ELP1: variants seen among roughly 807,000 people sequenced by gnomAD.
The protein encoded by ELP1 is elongator complex protein 1.
Under a neutral mutation model 183.2 loss-of-function variants are expected in ELP1, and 131 were observed. The observed-to-expected ratio is 0.72, with a 90% confidence interval of 0.62 to 0.83. The LOEUF is 0.83. Among genes scored for constraint, ELP1 ranks in the 40% least tolerant of loss-of-function variants. ELP1 has a pLI of 0.00. For synonymous variants in ELP1, 555 were observed against 569.0 expected (o/e 0.98, Z 0.35); for missense variants, 1,550 against 1,594.9 (o/e 0.97, Z 0.48).
At chr9:108,883,951 C>A (rs1410042913) in intron 29 of ELP1, among the ~76,000 whole-genome samples, 1 of 151,170 alleles carries the variant, frequency 6.6e-6, no homozygotes, top group Non-Finnish European at 1.5e-5. Context: ...ACATTCAATG[C>A]AAATGTCTAA....
In ELP1 at chr9:108,878,820, C is replaced by T. The variant is rs1827802938; in HGVS notation, c.3573-70G>A. The T allele has an allele frequency of 3.8e-6, 6 of 1,571,804 alleles. No individual in the cohort carries two copies. The South Asian group carries it at 6.7e-5, about 17-fold the overall frequency. ...GGACTACAGGCATGTGCTACCTTGC[C>T]TGGCTACTTTCTTGCAGTTGCTGAT... On this transcript the variant is annotated intron_variant, in intron 33 of 36. Coordinates refer to ENST00000374647, the MANE Select transcript of ELP1 (RefSeq NM_003640.5).
At position 108,922,831 on chromosome 9, in the gene ELP1, A is replaced by G; in HGVS notation, c.552+11T>C. 6.2e-7 allele frequency: 1 copy of G among 1,609,252 alleles called. No individual in the cohort carries two copies. Among genetic ancestry groups the G allele is most frequent in the Non-Finnish European group, 8.5e-7 (1 of 1,175,644 alleles). ...CCAGTCAAGGCTTTTTATCCATCAA[A>G]CCAAACTTACCATTTGCATCTGAAA... On this transcript the variant is annotated intron_variant, in intron 6 of 36. Coordinates refer to ENST00000374647, the MANE Select transcript of ELP1 (RefSeq NM_003640.5).
intron 13 of ELP1, among the ~76,000 whole-genome samples, chr9:108,907,275 C>T (rs548709097): frequency 2.8e-4 from 42 of 152,292 alleles, no homozygotes; most frequent in South Asian, 8.3e-4. Context: ...AAATCTCAGA[C>T]GAATTGGCAT....
intron 34 of ELP1, 40 bp from the exon 35 acceptor site, chr9:108,878,189 C>G (rs774564951): frequency 1.2e-4 from 183 of 1,554,094 alleles, no homozygotes; most frequent in Middle Eastern, 8.4e-4. Flanking sequence ...AGTTATATTC[C>G]CAGCTCCATT....
intron 5 of ELP1, among the ~76,000 whole-genome samples, chr9:108,925,401 C>T (rs953755927): frequency 2.0e-5 from 3 of 152,178 alleles, no homozygotes; most frequent in African/African-American, 7.2e-5. Flanking sequence ...TGAAATAACC[C>T]TCCCTTGAAA....
chr9:108,907,407 T>G (rs999984451), intron 13 of ELP1, among the ~76,000 whole-genome samples: 1 of 152,250 alleles, frequency 6.6e-6, no homozygotes, highest in Non-Finnish European at 1.5e-5. Context: ...ATGTAAATGC[T>G]CTTTAAAAAC....
intron 17 of ELP1, 24 bp downstream of exon 17, chr9:108,901,604 C>T (rs375784499): frequency 6.2e-7 from 1 of 1,613,588 alleles, no homozygotes; most frequent in Non-Finnish European, 8.5e-7. Context: ...GAAAAGGATC[C>T]AACACCAAAC....
At position 108,900,287 on chromosome 9, in the gene ELP1, C is replaced by T. The variant is rs1476262942; in HGVS notation, c.2103G>A (p.Val701=). 1 of 1,613,856 alleles carries T rather than the reference C, an allele frequency of 6.2e-7. No individual in the cohort carries two copies. Among genetic ancestry groups the T allele is most frequent in the African/African-American group, 1.3e-5 (1 of 74,914 alleles). The change falls in exon 19 of 37, where the codon GTG becomes GTA. Residue 701 remains valine (V), a synonymous_variant. Transcript: ENST00000374647. ...VERGSRIVTV[V]PQDTKLVLQM... Reference sequence around the variant, plus strand: ...GTAATACAAGCTTTGTGTCCTGGGGCACAACAGTGACAATCCGTGAACCCC... The same window carrying T: ...GTAATACAAGCTTTGTGTCCTGGGGTACAACAGTGACAATCCGTGAACCCC...
At chr9:108,903,692 A>AGT in intron 14 of ELP1, 23 bp from the exon 15 acceptor site, 1 of 1,536,558 alleles carries the variant, frequency 6.5e-7, no homozygotes, top group South Asian at 1.1e-5. Flanking sequence ...AGGAGAAGGG[A>AGT]GTGTAAACAG....
At chr9:108,886,799 AATGAGCATGGCTATGCT>A (rs1828139734) in intron 29 of ELP1, among the ~76,000 whole-genome samples, 2 of 152,236 alleles carry the variant, frequency 1.3e-5, no homozygotes, top group South Asian at 4.2e-4. Context: ...GATGTAAACT[AATGAGCATGGCTATGCT>A]CCAATAAAGC....
rs139439218 is a variant in ELP1 at position 108,920,470 on chromosome 9, T to C, written c.553-1121A>G. 5.9e-4 allele frequency among the ~76,000 whole-genome samples: 90 copies of C among 152,146 alleles called. 1 individual carries two copies. The highest frequency in any genetic ancestry group is 2.0e-3 in the African/African-American group (81 of 41,498). On this transcript the variant is annotated intron_variant, in intron 6 of 36. Coordinates refer to ENST00000374647, the MANE Select transcript of ELP1 (RefSeq NM_003640.5). The stretch of plus-strand genomic sequence containing the variant: ...CTAATTTTTGTATTTTTAGTAGAGA[T>C]AGGATTTCACCATGTTGGACATGCT...
At position 108,919,345 on chromosome 9, in the gene ELP1, TC is replaced by T; in HGVS notation, c.556del (p.Glu186SerfsTer24). ...RQAAFQMQMH[E>X]SALPWDDHRP... Reference sequence around the variant, plus strand: ...ATGGTCATCCCAGGGCAAAGCAGACTCATGCTAAAAAGGGGAACAAACACCA... The same window carrying T: ...ATGGTCATCCCAGGGCAAAGCAGACTATGCTAAAAAGGGGAACAAACACCA... On this transcript the variant is annotated frameshift_variant, in exon 7 of 37. Transcript: ENST00000374647. LOFTEE classifies it high-confidence loss of function. 1 of 1,611,866 alleles carries T rather than the reference TC, an allele frequency of 6.2e-7. No individual in the cohort carries two copies. Among genetic ancestry groups the T allele is most frequent in the Non-Finnish European group, 8.5e-7 (1 of 1,178,186 alleles).
At chr9:108,919,825 C>T (rs1211312318) in intron 6 of ELP1, among the ~76,000 whole-genome samples, 2 of 152,126 alleles carry the variant, frequency 1.3e-5, no homozygotes, top group East Asian at 1.9e-4. Flanking sequence ...ATGACGAAAA[C>T]ATGGAAATGT....
Position 108,898,769 on chromosome 9 carries a change from G to A in ELP1, c.2205-20C>T. The A allele has an allele frequency of 6.4e-7, 1 of 1,556,264 alleles. No homozygotes were observed. Among genetic ancestry groups the A allele is most frequent in the Non-Finnish European group, 8.8e-7 (1 of 1,130,252 alleles). On this transcript the variant is annotated intron_variant, in intron 20 of 36. Coordinates refer to ENST00000374647, the MANE Select transcript of ELP1 (RefSeq NM_003640.5). ...ATAAGTCTGTGAGAAGACAGAGAAAGAATAGAAAAGATATTCACAAAAACT... is the reference window on the plus strand; with the variant it reads ...ATAAGTCTGTGAGAAGACAGAGAAAAAATAGAAAAGATATTCACAAAAACT...
chr9:108,867,972 T>C lies in ELP1; in HGVS notation c.*1143A>G, dbSNP rs1020176903. ...TAGGCATTTGTTTCCCTAAACCTCA[T>C]GTTGAAATGTGATCACCAGTGTTGG... On this transcript the variant is annotated 3_prime_UTR_variant, in exon 37 of 37. Transcript: ENST00000374647. The C allele has an allele frequency of 2.6e-5, 4 of 152,284 alleles. No homozygotes were observed. The highest frequency in any genetic ancestry group is 7.2e-5 in the African/African-American group (3 of 41,460). 9.4% of individuals were successfully genotyped at this position (152,284 alleles called of 1,614,324 possible).
intron 11 of ELP1, 135 bp downstream of exon 11, chr9:108,912,129 T>C (rs1220482137): frequency 1.1e-5 from 8 of 740,920 alleles, no homozygotes; most frequent in South Asian, 1.0e-4. Context: ...TTATATCCCA[T>C]TCAATAAAAA....
rs1350078150 is a variant in ELP1, at chr9:108,896,650, A to G, written c.2588-6T>C. On this transcript the variant is annotated splice_polypyrimidine_tract_variant and splice_region_variant and intron_variant, in intron 24 of 36. Coordinates refer to ENST00000374647, the MANE Select transcript of ELP1 (RefSeq NM_003640.5). ...AGGATCAGAGGGAGCATTTCCTAACAGTGTTTAGAAAACAAAACAGAACAC... is the reference window on the plus strand; with the variant it reads ...AGGATCAGAGGGAGCATTTCCTAACGGTGTTTAGAAAACAAAACAGAACAC... 1.2e-6 allele frequency: 2 copies of G among 1,613,480 alleles called. No individual in the cohort carries two copies. Among genetic ancestry groups the G allele is most frequent in the African/African-American group, 2.7e-5 (2 of 74,928 alleles).
chr9:108,903,567 A>G lies in ELP1; in HGVS notation c.1746T>C (p.Leu582=). The stretch of plus-strand genomic sequence containing the variant: ...TCCTAACACCTTGATACTCACCCCA[A>G]AGGTACTTAAATATCTGGCCATCAG... ...QLADGQIFKY[L]WESPSLAIKP... Residue 582 remains leucine (L), a synonymous_variant, in exon 15 of 37, where the codon CTT becomes CTC. Transcript: ENST00000374647. 6.2e-7 allele frequency: 1 copy of G among 1,605,848 alleles called. No homozygotes were observed. The highest frequency in any genetic ancestry group is 8.5e-7 in the Non-Finnish European group (1 of 1,172,600).
chr9:108,915,578 C>A (rs535121126), intron 10 of ELP1, among the ~76,000 whole-genome samples: 5 of 152,122 alleles, frequency 3.3e-5, no homozygotes, highest in Admixed American at 2.6e-4. Flanking sequence ...AACCTGCCCC[C>A]ACAAATTTCA....
Sources: gnomAD v4.1 joint callset for allele counts (sites outside exome capture counted in the v4.1 genomes callset) on GRCh38, gnomAD v4.1.1 for gene constraint, MANE v1.5 for transcripts, NCBI Gene and HGNC (gene_info 2026-07-23, HGNC 2026-07-21) for gene names.